The following MBTD1 variants were observed in gnomAD, a reference collection of about 807,000 sequenced individuals.
MBTD1 encodes the protein mbt domain containing 1, also known as MBT domain-containing protein 1.
MBTD1 carries 24 observed loss-of-function variants against 87.8 expected under a neutral mutation model. The ratio of observed to expected loss-of-function variants is 0.27; its 90% CI spans 0.20 to 0.38. The LOEUF (loss-of-function observed/expected upper bound fraction) is 0.38. Ranked by LOEUF, MBTD1 falls within the 10% of genes least tolerant of loss-of-function variation. The pLI, the probability that MBTD1 is intolerant of heterozygous loss-of-function variation, is 1.00. For missense variants in MBTD1, 436 were observed against 760.2 expected, an observed-to-expected ratio of 0.57 and a Z score of 5.02; for synonymous variants, 237 against 248.6, an observed-to-expected ratio of 0.95 and a Z score of 0.44.
intron 7 of MBTD1, among the ~76,000 whole-genome samples, chr17:51,204,986 A>G (rs2051734371): frequency 6.6e-6 from 1 of 152,202 alleles, no homozygotes; most frequent in South Asian, 2.1e-4. Flanking sequence ...TGAGTTAAAA[A>G]CTATGTCTTA....
chr17:51,256,841 A>T (rs901978096), intron 2 of MBTD1: 2 of 152,198 alleles, frequency 1.3e-5, no homozygotes, highest in Non-Finnish European at 2.9e-5. Flanking sequence ...CCATGAGAAA[A>T]TGGAGGCACA....
At chr17:51,244,844 T>A (rs928864036) in intron 2 of MBTD1, among the ~76,000 whole-genome samples, 4 of 152,134 alleles carry the variant, frequency 2.6e-5, no homozygotes, top group African/African-American at 9.7e-5. Context: ...GGAACTCTAG[T>A]CCTTATTAGC....
At chr17:51,237,966 T>C (rs1402371788) in intron 2 of MBTD1, among the ~76,000 whole-genome samples, 1 of 152,220 alleles carries the variant, frequency 6.6e-6, no homozygotes, top group Non-Finnish European at 1.5e-5. Context: ...GAATGAATTA[T>C]TGATATACAC....
chr17:51,213,922 A>T (rs1459199204), intron 6 of MBTD1, among the ~76,000 whole-genome samples: 1 of 150,440 alleles, frequency 6.6e-6, no homozygotes, highest in East Asian at 1.9e-4. Flanking sequence ...AGTAAAGAAA[A>T]GAAAAAAAAA....
rs139526431 is a variant in MBTD1 at position 51,217,961 on chromosome 17, G to C, written c.404-545C>G. Among the ~76,000 whole-genome samples, 10 of 152,284 alleles carry C rather than the reference G, an allele frequency of 6.6e-5. No homozygotes were observed. The East Asian group carries it at 7.7e-4, about 12-fold the overall frequency. Reference sequence around the variant, plus strand: ...GAGGAAGTGAGGTACAAGCTCTTTGGTTAAGGGGAACAAAGAGAAGTTGAG... The same window carrying C: ...GAGGAAGTGAGGTACAAGCTCTTTGCTTAAGGGGAACAAAGAGAAGTTGAG... On this transcript the variant is annotated intron_variant, in intron 5 of 16. Coordinates refer to ENST00000586178, the MANE Select transcript of MBTD1 (RefSeq NM_017643.3).
chr17:51,255,594 T>G (rs1171742930), intron 2 of MBTD1, among the ~76,000 whole-genome samples: 2 of 151,136 alleles, frequency 1.3e-5, no homozygotes, highest in Non-Finnish European at 2.9e-5. Context: ...TAACCTTTTT[T>G]TTTTCCTTTT....
chr17:51,179,508 A>ATT lies in MBTD1; in HGVS notation c.*1067_*1068insAA, dbSNP rs1443705596. 409 of 83,784 alleles carry ATT rather than the reference A, an allele frequency of 4.9e-3. 25 individuals carry two copies. The highest frequency in any genetic ancestry group is 0.017 in the African/African-American group (384 of 22,530). The allele number at this position is 83,784 out of a possible 1,614,324, so 5.2% of individuals were successfully genotyped here. A position where few individuals can be genotyped will look rare whatever the true frequency, so the allele number is the denominator to read the frequency against. Reference sequence around the variant, plus strand: ...TTTATATATATATATATATATATATATATATATATATATATATATATATAT... The same window carrying ATT: ...TTTATATATATATATATATATATATATTTATATATATATATATATATATATAT... On this transcript the variant is annotated 3_prime_UTR_variant, in exon 17 of 17. Transcript: ENST00000586178.
chr17:51,228,280 T>G (rs2053345622), intron 2 of MBTD1, among the ~76,000 whole-genome samples: 4 of 152,202 alleles, frequency 2.6e-5, no homozygotes, highest in Non-Finnish European at 5.9e-5. Context: ...ACTAGGCTAC[T>G]AGGCTTAGTA....
rs1598333738 is a variant in MBTD1, at chr17:51,207,005, C to T, written c.487G>A (p.Ala163Thr). 1 of 1,551,752 alleles carries T rather than the reference C, an allele frequency of 6.4e-7. No homozygotes were observed. The highest frequency in any genetic ancestry group is 8.9e-7 in the Non-Finnish European group (1 of 1,124,846). Residue 163 changes from alanine (A) to threonine (T), a missense_variant and splice_region_variant, in exon 7 of 17, where the codon GCA becomes ACA. Ala to Thr is a moderately conservative substitution (Grantham distance 58). Coordinates refer to ENST00000586178, the MANE Select transcript of MBTD1 (RefSeq NM_017643.3). ...TCACCCCAGCAGGTCCCCATAGGTG[C>T]CTGTCACATAAAAATCATTAAATTA... is the stretch of plus-strand genomic sequence containing the variant. ...IAAPVTCFKH[A>T]PMGTCWGDIS...
intron 14 of MBTD1, 33 bp from the exon 15 acceptor site, chr17:51,193,049 T>A: frequency 1.3e-6 from 2 of 1,485,256 alleles, no homozygotes; most frequent in Non-Finnish European, 1.9e-6. Context: ...AATATTGGTA[T>A]GAAGAAGAAA....
intron 16 of MBTD1, among the ~76,000 whole-genome samples, chr17:51,181,416 G>T (rs1054350471): frequency 2.0e-5 from 3 of 151,704 alleles, no homozygotes; most frequent in Non-Finnish European, 4.4e-5. Context: ...AATTACATAA[G>T]GATGTAACAT....
intron 6 of MBTD1, among the ~76,000 whole-genome samples, chr17:51,210,373 A>G (rs1323967970): frequency 6.6e-6 from 1 of 152,152 alleles, no homozygotes; most frequent in East Asian, 1.9e-4. Context: ...GGAGAGGACA[A>G]AAAGGAAAAT....
At chr17:51,206,023 CAT>C (rs999465780) in intron 7 of MBTD1, among the ~76,000 whole-genome samples, 2 of 152,124 alleles carry the variant, frequency 1.3e-5, no homozygotes, top group African/African-American at 4.8e-5. Context: ...AGTATCTTGT[CAT>C]ATTAATACCT....
At chr17:51,180,751 G>T in intron 16 of MBTD1, 57 bp from the exon 17 acceptor site, 1 of 878,124 alleles carries the variant, frequency 1.1e-6, no homozygotes, top group Non-Finnish European at 1.8e-6. Flanking sequence ...TACTCGGATT[G>T]CCTGTGATCT....
intron 9 of MBTD1, 55 bp from the exon 10 acceptor site, chr17:51,202,990 A>AT (rs1328939264): frequency 7.0e-7 from 1 of 1,433,100 alleles, no homozygotes; most frequent in Non-Finnish European, 9.8e-7. Context: ...TCTACAAGAA[A>AT]TTTTTGTATT....
intron 16 of MBTD1, among the ~76,000 whole-genome samples, chr17:51,190,954 C>T (rs569609511): frequency 6.6e-6 from 1 of 151,470 alleles, no homozygotes; most frequent in Non-Finnish European, 1.5e-5. Context: ...TGTGGCAACA[C>T]ATGCCTGTGG....
chr17:51,222,979 T>C (rs1268815750), intron 3 of MBTD1, among the ~76,000 whole-genome samples: 1 of 151,246 alleles, frequency 6.6e-6, no homozygotes, highest in Non-Finnish European at 1.5e-5. Context: ...TTTTTTCAAT[T>C]TTTTTTCGCA....
At chr17:51,241,759 T>A (rs1303041267) in intron 2 of MBTD1, among the ~76,000 whole-genome samples, 1 of 152,046 alleles carries the variant, frequency 6.6e-6, no homozygotes, top group Non-Finnish European at 1.5e-5. Flanking sequence ...TAGAGACGGG[T>A]TTCACCATGT....
chr17:51,227,250 A>AAAT (rs1318037173), intron 2 of MBTD1, among the ~76,000 whole-genome samples: 2 of 37,852 alleles, frequency 5.3e-5, no homozygotes, highest in Non-Finnish European at 6.1e-5. Flanking sequence ...TCCAAAAAAA[A>AAAT]AAAAAAAAAA....
Sources: allele counts gnomAD v4.1 joint callset (sites outside exome capture counted in the v4.1 genomes callset), GRCh38; gene constraint gnomAD v4.1.1; transcripts MANE v1.5; gene names NCBI Gene and HGNC (gene_info 2026-07-23, HGNC 2026-07-21).